Variants in CAMKK2 observed in about 807,000 individuals in gnomAD.
CAMKK2 encodes the protein calcium/calmodulin-dependent protein kinase kinase 2.
CAMKK2 carries 30 observed loss-of-function variants against 67.2 expected under a neutral mutation model. The observed-to-expected ratio is 0.45, with a 90% CI of 0.33 to 0.61. The LOEUF (loss-of-function observed/expected upper bound fraction) is 0.61. CAMKK2 is among the 20% of genes least tolerant of loss of function. CAMKK2 has a pLI of 0.02. For missense variants in CAMKK2, 643 were observed against 802.0 expected, an observed-to-expected ratio of 0.80 and a Z score of 2.39; for synonymous variants, 322 against 326.2, an observed-to-expected ratio of 0.99 and a Z score of 0.14.
chr12:121,247,778 G>A (rs1566039719), intron 14 of CAMKK2, among the ~76,000 whole-genome samples: 1 of 152,166 alleles, frequency 6.6e-6, no homozygotes, highest in Non-Finnish European at 1.5e-5. Context: ...CTCCTACAGG[G>A]GCAATCCTTC....
At position 121,274,299 on chromosome 12, in the gene CAMKK2, G is replaced by A. The variant is rs1446830191; in HGVS notation, c.228C>T (p.Ala76=). The stretch of plus-strand genomic sequence containing the variant: ...TGTCAAGGGGGACCTCTTGGCCATC[G>A]GCCTCCAGGGGCCGGTCCCGCGCCA... ...LGLARDRPLE[A]DGQEVPLDTS... is the part of the protein sequence containing the mutation. The change falls in exon 2 of 17, where the codon GCC becomes GCT. Residue 76 remains alanine (A), a synonymous_variant. Coordinates refer to ENST00000404169, the MANE Select transcript of CAMKK2 (RefSeq NM_001270485.2). 9 of 1,612,170 alleles carry A rather than the reference G, an allele frequency of 5.6e-6. No homozygotes were observed. Among genetic ancestry groups the A allele is most frequent in the South Asian group, 3.3e-5 (3 of 91,070 alleles).
chr12:121,269,866 T>C (rs767076502), intron 3 of CAMKK2: 1 of 284,846 alleles, frequency 3.5e-6, no homozygotes. Context: ...CTGGCCAACA[T>C]GATGAAACCG....
chr12:121,268,589 T>G, intron 5 of CAMKK2, 49 bp downstream of exon 5: 1 of 1,563,660 alleles, frequency 6.4e-7, no homozygotes, highest in East Asian at 2.2e-5. Context: ...GGCTCTGCCC[T>G]GTCTTGTCCC....
At chr12:121,287,933 T>C (rs1014001176) in intron 1 of CAMKK2, among the ~76,000 whole-genome samples, 2 of 152,170 alleles carry the variant, frequency 1.3e-5, no homozygotes, top group Non-Finnish European at 2.9e-5. Context: ...GATTGCACCA[T>C]TGCATTCCAG....
In CAMKK2 at chr12:121,240,724, G is replaced by T. The variant is rs752954809; in HGVS notation, c.1742C>A (p.Pro581Gln). The change falls in exon 17 of 17, where the codon CCG becomes CAG. Residue 581 changes from proline (P) to glutamine (Q), a missense_variant. By Grantham distance (76) the Pro-to-Gln change is moderately conservative. This residue lies in a region of CAMKK2 where 140 missense variants were observed against 124.2 expected (regional missense o/e 1.13). Coordinates refer to ENST00000404169, the MANE Select transcript of CAMKK2 (RefSeq NM_001270485.2). This position sits in a 1 kb window ranked among gnomAD's most constrained non-coding sequence, Gnocchi z 4.4. The part of the protein sequence containing the change: ...GSPARMHPLR[P>Q]EEAMEPE Reference sequence around the variant, plus strand: ...CTACTCGGGCTCCATGGCCTCCTCCGGCCGCAGTGGATGCATGCGTGCGGG... The same window carrying T: ...CTACTCGGGCTCCATGGCCTCCTCCTGCCGCAGTGGATGCATGCGTGCGGG... 1 of 1,606,856 alleles carries T rather than the reference G, an allele frequency of 6.2e-7. No individual in the cohort carries two copies. Among genetic ancestry groups the T allele is most frequent in the African/African-American group, 1.3e-5 (1 of 74,668 alleles).
chr12:121,293,913 G>C (rs1401735121), intron 1 of CAMKK2, among the ~76,000 whole-genome samples: 1 of 151,682 alleles, frequency 6.6e-6, no homozygotes, highest in Non-Finnish European at 1.5e-5. Flanking sequence ...TGGCATTTGG[G>C]GGAGGGTGAT....
rs1294337681 is a variant in CAMKK2 at position 121,274,310 on chromosome 12, GC to G, written c.216del (p.Leu74TrpfsTer44). 4.3e-6 allele frequency: 7 copies of G among 1,613,128 alleles called. No homozygotes were observed. The highest frequency in any genetic ancestry group is 5.1e-6 in the Non-Finnish European group (6 of 1,179,790). On this transcript the variant is annotated frameshift_variant, in exon 2 of 17. Coordinates refer to ENST00000404169, the MANE Select transcript of CAMKK2 (RefSeq NM_001270485.2). LOFTEE classifies it high-confidence loss of function. ...CAVDLGLARDRPLEADGQEVP... is the reference protein window; with the variant it reads ...CAVDLGLARDXPLEADGQEVP... ...ACCTCTTGGCCATCGGCCTCCAGGG[GC>G]CGGTCCCGCGCCAAGCCGAGGTCCA...
At chr12:121,246,272 G>C (rs1481388630) in intron 14 of CAMKK2, among the ~76,000 whole-genome samples, 1 of 151,428 alleles carries the variant, frequency 6.6e-6, no homozygotes, top group Non-Finnish European at 1.5e-5. Flanking sequence ...GGAGGCGGGC[G>C]TGGTGGCTCA....
chr12:121,257,646 GA>G (rs1327564606), intron 7 of CAMKK2, among the ~76,000 whole-genome samples: 5 of 152,162 alleles, frequency 3.3e-5, no homozygotes, highest in African/African-American at 4.8e-5. Context: ...TTCTGATCAG[GA>G]AAAGAACTGA....
intron 5 of CAMKK2, 90 bp downstream of exon 5, chr12:121,268,548 C>A: frequency 8.4e-7 from 1 of 1,197,498 alleles, no homozygotes; most frequent in Non-Finnish European, 1.2e-6. Context: ...GCATGTGGCA[C>A]CATGCCCAGT....
chr12:121,278,881 G>C (rs537423979), intron 1 of CAMKK2, among the ~76,000 whole-genome samples: 3 of 152,312 alleles, frequency 2.0e-5, no homozygotes, highest in East Asian at 1.9e-4. Context: ...ATGTCCAAGC[G>C]AGCTGGCCTG....
At chr12:121,291,259 A>T (rs929864521) in intron 1 of CAMKK2, among the ~76,000 whole-genome samples, 4 of 152,236 alleles carry the variant, frequency 2.6e-5, no homozygotes, top group African/African-American at 9.6e-5. Flanking sequence ...TGCTCCCTCC[A>T]AACAGAGTGA....
In CAMKK2 at chr12:121,239,420, C is replaced by T. The variant is rs2136108955; in HGVS notation, c.*1279G>A. On this transcript the variant is annotated 3_prime_UTR_variant, in exon 17 of 17. Transcript: ENST00000404169. Reference sequence around the variant, plus strand: ...CCCTTTCTTTCTGGACTTTTAGCTACAAAGGGGAACTTCCTGTGCCAAGCC... The same window carrying T: ...CCCTTTCTTTCTGGACTTTTAGCTATAAAGGGGAACTTCCTGTGCCAAGCC... 6.6e-6 allele frequency: 1 copy of T among 152,346 alleles called. No homozygotes were observed. The highest frequency in any genetic ancestry group is 1.9e-4 in the East Asian group (1 of 5,192). The allele number at this position is 152,346 out of a possible 1,614,324, so 9.4% of individuals were successfully genotyped here.
At position 121,245,359 on chromosome 12, in the gene CAMKK2, G is replaced by A. The variant is rs558619456; in HGVS notation, c.1453-119C>T. ...CTGCCAGCTCCCAGGGCTGGTGACCGATGGCAGACTTTGAGAGAAACTGGG... is the reference window on the plus strand; with the variant it reads ...CTGCCAGCTCCCAGGGCTGGTGACCAATGGCAGACTTTGAGAGAAACTGGG... On this transcript the variant is annotated intron_variant, in intron 14 of 16. Coordinates refer to ENST00000404169, the MANE Select transcript of CAMKK2 (RefSeq NM_001270485.2). The surrounding 1 kb of genome is among the most constrained non-coding windows in gnomAD (Gnocchi z 5.8). The A allele has an allele frequency of 2.8e-4, 189 of 673,802 alleles. No individual in the cohort carries two copies. The highest frequency in any genetic ancestry group is 2.8e-3 in the African/African-American group (154 of 55,946). 41.7% of individuals were successfully genotyped at this position (673,802 alleles called of 1,614,324 possible).
At chr12:121,264,776 A>AAATAAT (rs57906202) in intron 5 of CAMKK2, among the ~76,000 whole-genome samples, 2,381 of 139,922 alleles carry the variant, frequency 0.017, 59 homozygotes, top group African/African-American at 0.048. Context: ...TCAGTCTCAA[A>AAATAAT]AATAATAATA....
intron 1 of CAMKK2, among the ~76,000 whole-genome samples, chr12:121,275,541 T>C (rs1025502420): frequency 6.8e-6 from 1 of 147,308 alleles, no homozygotes; most frequent in Non-Finnish European, 1.5e-5. Context: ...TGCCACAATA[T>C]GGATGAACCT....
In CAMKK2 at chr12:121,240,514, GAGTCA is replaced by G. The variant is rs1197322665; in HGVS notation, c.*180_*184del. 3 of 1,530,662 alleles carry G rather than the reference GAGTCA, an allele frequency of 2.0e-6. No individual in the cohort carries two copies. Among genetic ancestry groups the G allele is most frequent in the African/African-American group, 2.8e-5 (2 of 71,602 alleles). The allele number at this position is 1,530,662 out of a possible 1,614,324, so 94.8% of individuals were successfully genotyped here. ...GCCAGCGGCCACGGTCGACGTCATG[GAGTCA>G]AGTCCTTTTTTTTTTTTTGTCCCCT... is the stretch of plus-strand genomic sequence containing the variant. On this transcript the variant is annotated 3_prime_UTR_variant, in exon 17 of 17. Coordinates refer to ENST00000404169, the MANE Select transcript of CAMKK2 (RefSeq NM_001270485.2). The surrounding 1 kb of genome is among the most constrained non-coding windows in gnomAD (Gnocchi z 4.4).
At chr12:121,241,486 G>C (rs1448429804) in intron 16 of CAMKK2, among the ~76,000 whole-genome samples, 1 of 152,224 alleles carries the variant, frequency 6.6e-6, no homozygotes, top group Non-Finnish European at 1.5e-5. Flanking sequence ...GGGAGGAGGA[G>C]AGCCCTTGTT....
intron 1 of CAMKK2, among the ~76,000 whole-genome samples, chr12:121,281,601 GT>G (rs1286746569): frequency 2.6e-5 from 4 of 152,328 alleles, no homozygotes; most frequent in Admixed American, 2.6e-4. Flanking sequence ...AACAGATGTG[GT>G]TTTTGCCCTC....
Sources: allele counts gnomAD v4.1 joint callset (sites outside exome capture counted in the v4.1 genomes callset), GRCh38; gene constraint gnomAD v4.1.1; regional missense constraint gnomAD v4.1.1; non-coding constraint Gnocchi (gnomAD v3.1); transcripts MANE v1.5; gene names NCBI Gene and HGNC (gene_info 2026-07-23, HGNC 2026-07-21).